PPP2R3B: variants seen among roughly 807,000 people sequenced by gnomAD.
PPP2R3B encodes serine/threonine-protein phosphatase 2A regulatory subunit B'' subunit beta.
Under a neutral mutation model 72.9 loss-of-function variants are expected in PPP2R3B, and 68 were observed. That is an observed-to-expected ratio of 0.93 (90% CI 0.77 to 1.14). The LOEUF is 1.14. Among genes scored for constraint, PPP2R3B ranks in the 50% most tolerant of loss-of-function variants. PPP2R3B has a pLI of 0.00. For missense variants in PPP2R3B, 1,018 were observed against 842.0 expected, an observed-to-expected ratio of 1.21 and a Z score of -2.59; for synonymous variants, 466 against 375.8, an observed-to-expected ratio of 1.24 and a Z score of -2.78.
At position 386,315 on chromosome X, in the gene PPP2R3B, C is replaced by T. The variant is rs761248090; in HGVS notation, c.324+53G>A. On this transcript the variant is annotated intron_variant, in intron 1 of 12. Coordinates refer to ENST00000390665, the MANE Select transcript of PPP2R3B (RefSeq NM_013239.5). Reference sequence around the variant, plus strand: ...CCTCCATCGCGCAGCCACACGCCCACTATGCGACCAGAGCCACCTGCGCAG... The same window carrying T: ...CCTCCATCGCGCAGCCACACGCCCATTATGCGACCAGAGCCACCTGCGCAG... 4.6e-4 allele frequency: 583 copies of T among 1,278,572 alleles called. 2 individuals carry two copies. Among genetic ancestry groups the T allele is most frequent in the Non-Finnish European group, 5.3e-4 (529 of 1,002,772 alleles). The allele number at this position is 1,278,572 out of a possible 1,614,324, so 79.2% of individuals were successfully genotyped here. A position where few individuals can be genotyped will look rare whatever the true frequency, so the allele number is the denominator to read the frequency against.
intron 2 of PPP2R3B, among the ~76,000 whole-genome samples, chrX:357,025 A>G (rs1405182866): frequency 6.6e-6 from 1 of 151,992 alleles, no homozygotes; most frequent in Non-Finnish European, 1.5e-5. Flanking sequence ...GTATACACAA[A>G]TATTACTTGT....
rs1241915612 is a variant in PPP2R3B at position 338,831 on chromosome X, TGAAGAAGGTGTC to T, written c.1405_1416del (p.Asp469_Phe472del). 2 of 1,612,318 alleles carry T rather than the reference TGAAGAAGGTGTC, an allele frequency of 1.2e-6. No homozygotes were observed. Among genetic ancestry groups the T allele is most frequent in the African/African-American group, 2.7e-5 (2 of 74,928 alleles). On this transcript the variant is annotated inframe_deletion, in exon 11 of 13. Coordinates refer to ENST00000390665, the MANE Select transcript of PPP2R3B (RefSeq NM_013239.5). Reference sequence around the variant, plus strand: ...TCGTGGTCGAGGTACTTCTCGATGTTGAAGAAGGTGTCGAAGAAGACGTTAGCCAGCTTGCAG... The same window carrying T: ...TCGTGGTCGAGGTACTTCTCGATGTTGAAGAAGACGTTAGCCAGCTTGCAG...
At chrX:361,763 G>A (rs977273208) in intron 1 of PPP2R3B, 173 bp from the exon 2 acceptor site, 2 of 257,836 alleles carry the variant, frequency 7.8e-6, no homozygotes, top group Admixed American at 6.5e-5. Context: ...TCCACTGCAG[G>A]GCCCACCTTC....
intron 2 of PPP2R3B, among the ~76,000 whole-genome samples, chrX:351,791 G>A (rs925378586): frequency 1.5e-4 from 23 of 152,140 alleles, no homozygotes; most frequent in African/African-American, 2.2e-4. Context: ...TCAACTTCAC[G>A]GGCTCAAGCA....
intron 1 of PPP2R3B, among the ~76,000 whole-genome samples, chrX:375,349 G>C (rs1201314173): frequency 6.6e-6 from 1 of 150,526 alleles, no homozygotes; most frequent in Admixed American, 6.6e-5. Context: ...GTGCCGCCCA[G>C]TCACCCACGA....
chrX:341,136 CCAGGCGTGCACAT>C (rs2071061253), intron 9 of PPP2R3B, among the ~76,000 whole-genome samples, 158 bp downstream of exon 9: 1 of 11,488 alleles, frequency 8.7e-5, no homozygotes, highest in Non-Finnish European at 2.4e-4. Flanking sequence ...GCAGCCCCCA[CCAGGCGTGCACAT>C]GTCCCCCTGT....
At chrX:381,020 C>T (rs1305157995) in intron 1 of PPP2R3B, among the ~76,000 whole-genome samples, 7 of 151,604 alleles carry the variant, frequency 4.6e-5, no homozygotes, top group Admixed American at 2.6e-4. Context: ...ACTGCAGCCT[C>T]GAACTCCTGG....
chrX:358,231 G>A (rs1238255576), intron 2 of PPP2R3B, among the ~76,000 whole-genome samples: 1 of 141,972 alleles, frequency 7.0e-6, no homozygotes, highest in Non-Finnish European at 1.6e-5. Flanking sequence ...GCGGCGAGCT[G>A]GGCGCCACCG....
At chrX:377,694 T>C (rs1363716975) in intron 1 of PPP2R3B, among the ~76,000 whole-genome samples, 17 of 141,982 alleles carry the variant, frequency 1.2e-4, no homozygotes, top group Admixed American at 2.8e-4. Flanking sequence ...CATGGGGCTG[T>C]CTATACACTA....
At chrX:382,441 G>A (rs1284686620) in intron 1 of PPP2R3B, among the ~76,000 whole-genome samples, 7 of 151,792 alleles carry the variant, frequency 4.6e-5, no homozygotes, top group Admixed American at 1.3e-4. Flanking sequence ...CAGGTGATCC[G>A]TCCACCTCAG....
intron 1 of PPP2R3B, among the ~76,000 whole-genome samples, chrX:379,763 C>A (rs182760036): frequency 4.7e-4 from 72 of 152,304 alleles, no homozygotes; most frequent in Middle Eastern, 3.4e-3. Context: ...TATCAATTAT[C>A]CTAAATTGAT....
intron 7 of PPP2R3B, among the ~76,000 whole-genome samples, chrX:343,989 C>CGGGAGGCGGGAGGGAGACGTCGCCAAG (rs2071134963): frequency 1.5e-5 from 1 of 68,088 alleles, no homozygotes; most frequent in African/African-American, 5.0e-5. Context: ...ACCTCAGCAA[C>CGGGAGGCGGGAGGGAGACGTCGCCAAG]GGGAGGCGGG....
At chrX:368,193 G>A (rs767974770) in intron 1 of PPP2R3B, among the ~76,000 whole-genome samples, 67 of 147,340 alleles carry the variant, frequency 4.5e-4, no homozygotes, top group African/African-American at 1.7e-3. Context: ...ACTGACGGGG[G>A]GAAGGCCGGG....
At chrX:364,837 C>T (rs1263891939) in intron 1 of PPP2R3B, among the ~76,000 whole-genome samples, 18 of 46,364 alleles carry the variant, frequency 3.9e-4, no homozygotes, top group Admixed American at 9.7e-4. Flanking sequence ...GAGCTGAGAT[C>T]GCACCACTGC....
chrX:377,769 T>C (rs868692450), intron 1 of PPP2R3B, among the ~76,000 whole-genome samples: 34 of 137,602 alleles, frequency 2.5e-4, no homozygotes, highest in Admixed American at 4.2e-4. Flanking sequence ...TACACTACTG[T>C]GTACAGGGAC....
At chrX:361,374 G>C (rs372843624) in intron 2 of PPP2R3B, 31 bp downstream of exon 2, 2 of 1,611,804 alleles carry the variant, frequency 1.2e-6, no homozygotes, top group Non-Finnish European at 1.7e-6. Context: ...GTACCACCTC[G>C]GCTGCTCCAC....
chrX:340,964 G>T (rs771629563), intron 9 of PPP2R3B, 24 bp from the exon 10 acceptor site: 11 of 1,603,364 alleles, frequency 6.9e-6, no homozygotes, highest in South Asian at 1.1e-5. Context: ...AGCTCTGTCA[G>T]CCCCTGCCCT....
chrX:378,907 C>A (rs1344315006), intron 1 of PPP2R3B, among the ~76,000 whole-genome samples: 1 of 152,220 alleles, frequency 6.6e-6, no homozygotes, highest in Non-Finnish European at 1.5e-5. Flanking sequence ...AAGGCTCCCG[C>A]ACGAAACCTT....
intron 2 of PPP2R3B, among the ~76,000 whole-genome samples, chrX:357,060 A>C (rs776207342): frequency 6.6e-6 from 1 of 152,314 alleles, no homozygotes; most frequent in African/African-American, 2.4e-5. Context: ...ATTTAAAATA[A>C]AGATGCTGCC....
Sources: gnomAD v4.1 joint callset for allele counts (sites outside exome capture counted in the v4.1 genomes callset) on GRCh38, gnomAD v4.1.1 for gene constraint, MANE v1.5 for transcripts, NCBI Gene and HGNC (gene_info 2026-07-23, HGNC 2026-07-21) for gene names.